The following AP2S1 variants were observed in gnomAD, a reference collection of about 807,000 sequenced individuals.
AP2S1 encodes the protein adaptor related protein complex 2 subunit sigma 1.
AP2S1 carries 6 observed loss-of-function variants against 21.0 expected under a neutral mutation model. The ratio of observed to expected loss-of-function variants is 0.29; its 90% confidence interval spans 0.16 to 0.56. The LOEUF is 0.56. Ranked by LOEUF, AP2S1 falls within the 20% of genes least tolerant of loss-of-function variation. The pLI, the probability that AP2S1 is intolerant of heterozygous loss-of-function variation, is 0.92. For synonymous variants in AP2S1, 63 were observed against 74.6 expected (o/e 0.84, Z 0.80); for missense variants, 60 against 186.2 (o/e 0.32, Z 3.95).
intron 2 of AP2S1, among the ~76,000 whole-genome samples, chr19:46,840,712 T>G (rs908753274): frequency 9.0e-5 from 13 of 145,074 alleles, no homozygotes; most frequent in Non-Finnish European, 1.5e-5. Context: ...CCAGCATCAG[T>G]CTTCGGCATT....
At chr19:46,839,312 A>AAAAAAG (rs1568444111) in intron 3 of AP2S1, among the ~76,000 whole-genome samples, 153 bp downstream of exon 3, 21 of 144,150 alleles carry the variant, frequency 1.5e-4, no homozygotes, top group Non-Finnish European at 2.4e-4. Context: ...AAAAAAAAAA[A>AAAAAAG]AAAAAGAAAA....
intron 3 of AP2S1, 41 bp downstream of exon 3, chr19:46,839,424 G>GGCCCCC: frequency 1.1e-5 from 17 of 1,504,482 alleles, no homozygotes; most frequent in South Asian, 2.3e-5. Flanking sequence ...CTCCAGGGCT[G>GGCCCCC]CCCACCCGCC....
chr19:46,848,816 G>A (rs780180659), intron 1 of AP2S1, among the ~76,000 whole-genome samples: 11 of 152,016 alleles, frequency 7.2e-5, no homozygotes, highest in Admixed American at 1.3e-4. Context: ...AGGTTCAAGC[G>A]ATTCTCCTGC....
chr19:46,847,731 G>A lies in AP2S1; in HGVS notation c.4-1589C>T, dbSNP rs114068895. On this transcript the variant is annotated intron_variant, in intron 1 of 4. Coordinates refer to ENST00000263270, the MANE Select transcript of AP2S1 (RefSeq NM_004069.6). Reference sequence around the variant, plus strand: ...TCGTGTCTGGCTTCCTTCACTCAGCGTGACGTTTTCCAGGCTCATCTGTGG... The same window carrying A: ...TCGTGTCTGGCTTCCTTCACTCAGCATGACGTTTTCCAGGCTCATCTGTGG... Among the ~76,000 whole-genome samples, 878 of 152,236 alleles carry A rather than the reference G, an allele frequency of 5.8e-3. 8 individuals are homozygous for A. Among genetic ancestry groups the A allele is most frequent in the African/African-American group, 0.02 (815 of 41,548 alleles).
In AP2S1 at chr19:46,850,763, C is replaced by T; in HGVS notation, c.3+1G>A. On this transcript the variant is annotated splice_donor_variant, in intron 1 of 4. Coordinates refer to ENST00000263270, the MANE Select transcript of AP2S1 (RefSeq NM_004069.6). LOFTEE classifies it high-confidence loss of function. Reference sequence around the variant, plus strand: ...TCCCCGGCGTAGCGCTCCCCCGTTACCATGGCGACCCCCGTCCAGACCCCA... The same window carrying T: ...TCCCCGGCGTAGCGCTCCCCCGTTATCATGGCGACCCCCGTCCAGACCCCA... 6.3e-7 allele frequency: 1 copy of T among 1,587,512 alleles called. No individual in the cohort carries two copies. The highest frequency in any genetic ancestry group is 8.6e-7 in the Non-Finnish European group (1 of 1,163,470).
At chr19:46,845,341 G>A (rs950286536) in intron 2 of AP2S1, among the ~76,000 whole-genome samples, 1 of 151,884 alleles carries the variant, frequency 6.6e-6, no homozygotes, top group Admixed American at 6.6e-5. Flanking sequence ...GGGAGGTGGA[G>A]GTTGCAGTGA....
At position 46,850,792 on chromosome 19, in the gene AP2S1, G is replaced by T; in HGVS notation, c.-26C>A. ...GGCGACCCCCGTCCAGACCCCAGCG[G>T]CCCCGGTCCCGCGGCGACTGGGCAG... is the stretch of plus-strand genomic sequence containing the variant. On this transcript the variant is annotated 5_prime_UTR_variant, in exon 1 of 5. Coordinates refer to ENST00000263270, the MANE Select transcript of AP2S1 (RefSeq NM_004069.6). 1 of 1,562,820 alleles carries T rather than the reference G, an allele frequency of 6.4e-7. No homozygotes were observed.
Position 46,846,238 on chromosome 19 carries a change from T to G in AP2S1, c.4-96A>C, listed in dbSNP as rs1037240957. On this transcript the variant is annotated intron_variant, in intron 1 of 4. Coordinates refer to ENST00000263270, the MANE Select transcript of AP2S1 (RefSeq NM_004069.6). Reference sequence around the variant, plus strand: ...CCCACCCATCCACCCAGAGGGGAGATAGGGCTCAGGGCCTCCCTGCTGCCT... The same window carrying G: ...CCCACCCATCCACCCAGAGGGGAGAGAGGGCTCAGGGCCTCCCTGCTGCCT... The G allele has an allele frequency of 2.3e-5, 35 of 1,493,652 alleles. No individual in the cohort carries two copies. In the Middle Eastern group the frequency reaches 1.2e-3, roughly 49 times the overall value. 92.5% of individuals were successfully genotyped at this position (1,493,652 alleles called of 1,614,324 possible). A position where few individuals can be genotyped will look rare whatever the true frequency, so the allele number is the denominator to read the frequency against.
rs149753948 is a variant in AP2S1, at chr19:46,841,015, G to A, written c.154-1437C>T. On this transcript the variant is annotated intron_variant, in intron 2 of 4. Coordinates refer to ENST00000263270, the MANE Select transcript of AP2S1 (RefSeq NM_004069.6). ...GTCGCCCAGGCCAGAGTGCAGCGGC[G>A]CAATCTTGGCTCACTGCAACCTCTG... Among the ~76,000 whole-genome samples the A allele has an allele frequency of 3.1e-3, 465 of 150,846 alleles. 4 individuals are homozygous for A. Among genetic ancestry groups the A allele is most frequent in the Middle Eastern group, 0.024 (7 of 288 alleles).
intron 1 of AP2S1, 96 bp downstream of exon 1, chr19:46,850,668 C>T (rs769821690): frequency 1.7e-6 from 2 of 1,149,962 alleles, no homozygotes; most frequent in Non-Finnish European, 2.6e-6. Context: ...AGACCATCCG[C>T]GGCAGAGAAG....
At chr19:46,843,255 C>T (rs1198621883) in intron 2 of AP2S1, among the ~76,000 whole-genome samples, 1 of 152,184 alleles carries the variant, frequency 6.6e-6, no homozygotes, top group Non-Finnish European at 1.5e-5. Context: ...CATGCTGGTC[C>T]GGTCACCAGC....
chr19:46,846,176 AG>A, intron 1 of AP2S1, 34 bp from the exon 2 acceptor site: 1 of 1,611,914 alleles, frequency 6.2e-7, no homozygotes, highest in Non-Finnish European at 8.5e-7. Context: ...AGGAAGTGAG[AG>A]AGGCAGAGAG....
intron 2 of AP2S1, among the ~76,000 whole-genome samples, chr19:46,845,443 C>A (rs1021079322): frequency 1.5e-5 from 2 of 132,044 alleles, no homozygotes; most frequent in East Asian, 5.2e-4. Context: ...TTAATTAATT[C>A]AATTCAATCA....
intron 3 of AP2S1, 145 bp downstream of exon 3, chr19:46,839,318 GAA>G (rs2055472338): frequency 4.0e-6 from 1 of 250,480 alleles, no homozygotes; most frequent in African/African-American, 3.7e-5. Flanking sequence ...AAAAAAAAAA[GAA>G]AAAGAAAAAA....
chr19:46,846,720 C>T (rs1399641049), intron 1 of AP2S1, among the ~76,000 whole-genome samples: 1 of 152,190 alleles, frequency 6.6e-6, no homozygotes, highest in Non-Finnish European at 1.5e-5. Flanking sequence ...GGCTGGAGTG[C>T]GATGGCGCAA....
intron 1 of AP2S1, among the ~76,000 whole-genome samples, chr19:46,849,540 G>A (rs2055699375): frequency 1.3e-5 from 2 of 152,172 alleles, no homozygotes; most frequent in Admixed American, 1.3e-4. Flanking sequence ...AGGAGAACTA[G>A]AAGCAAACCC....
chr19:46,850,028 C>A, intron 1 of AP2S1: 1 of 997,654 alleles, frequency 1.0e-6, no homozygotes, highest in Non-Finnish European at 1.3e-6. Flanking sequence ...AACAAAGATT[C>A]CTCCCCAGGT....
intron 1 of AP2S1, among the ~76,000 whole-genome samples, chr19:46,848,723 T>C (rs2055679488): frequency 6.6e-6 from 1 of 152,140 alleles, no homozygotes; most frequent in African/African-American, 2.4e-5. Context: ...TTTTCTTTTC[T>C]TTTTTGTTTT....
Position 46,850,816 on chromosome 19 carries a change from A to C in AP2S1, c.-50T>G, listed in dbSNP as rs530290887. 6.5e-7 allele frequency: 1 copy of C among 1,534,116 alleles called. No homozygotes were observed. The highest frequency in any genetic ancestry group is 1.4e-5 in the African/African-American group (1 of 70,302). ...GGCCCCGGTCCCGCGGCGACTGGGC[A>C]GCTCCGGCTCAGGGTGCAGTTGTAG... On this transcript the variant is annotated 5_prime_UTR_variant, in exon 1 of 5. Transcript: ENST00000263270.
Sources: allele counts gnomAD v4.1 joint callset (sites outside exome capture counted in the v4.1 genomes callset), GRCh38; gene constraint gnomAD v4.1.1; transcripts MANE v1.5; gene names NCBI Gene and HGNC (gene_info 2026-07-23, HGNC 2026-07-21).